SULT1A1: variants seen among roughly 807,000 people sequenced by gnomAD.
SULT1A1 encodes the protein sulfotransferase 1A1.
SULT1A1 carries 35 observed loss-of-function variants against 36.8 expected under a neutral mutation model. That is an observed-to-expected ratio of 0.95 (90% CI 0.73 to 1.26). SULT1A1 has a LOEUF of 1.26. SULT1A1 is among the 50% of genes most tolerant of loss of function. The pLI is 0.00. For synonymous variants in SULT1A1, 119 were observed against 146.0 expected (o/e 0.82, Z 1.33); for missense variants, 309 against 383.0 (o/e 0.81, Z 1.61).
chr16:28,608,757 G>A lies in SULT1A1; in HGVS notation c.99C>T (p.Ser33=), dbSNP rs1414016713. ...YFAEALGPLQ[S]FQARPDDLLI... is the part of the protein sequence containing the mutation. ...GCAGGTCATCAGGCCGGGCCTGGAA[G>A]CTCTGCAGGGGCCCCAGTGCCTCTG... The change falls in exon 2 of 8, where the codon AGC becomes AGT. Residue 33 remains serine (S), a synonymous_variant. Coordinates refer to ENST00000314752, the MANE Select transcript of SULT1A1 (RefSeq NM_001055.4). 1.1e-5 allele frequency: 17 copies of A among 1,612,688 alleles called. No individual in the cohort carries two copies. Among genetic ancestry groups the A allele is most frequent in the Non-Finnish European group, 1.4e-5 (16 of 1,179,428 alleles).
Position 28,618,184 on chromosome 16 carries a change from C to T in SULT1A1, c.138+1879G>A, listed in dbSNP as rs561777077. Among the ~76,000 whole-genome samples, 479 of 151,826 alleles carry T rather than the reference C, an allele frequency of 3.2e-3. 5 individuals carry two copies. The highest frequency in any genetic ancestry group is 0.01 in the African/African-American group (431 of 41,402). Reference sequence around the variant, plus strand: ...TCCTGAGCAGCTGGGACAACAGACGCTTGCCACTATGCCCAGCTAATTTAT... The same window carrying T: ...TCCTGAGCAGCTGGGACAACAGACGTTTGCCACTATGCCCAGCTAATTTAT... On this transcript the variant is annotated intron_variant, in intron 2 of 5. Transcript: ENST00000350842.
At chr16:28,605,972 C>G (rs1267114758) in intron 7 of SULT1A1, 39 bp from the exon 8 acceptor site, 1 of 1,603,292 alleles carries the variant, frequency 6.2e-7, no homozygotes, top group Non-Finnish European at 8.5e-7. Context: ...GGAGTCTCAT[C>G]CCAGGGGAGG....
At chr16:28,611,020 G>C (rs2047432371), upstream of SULT1A1, 1 of 152,410 alleles carries the variant, frequency 6.6e-6, no homozygotes. Flanking sequence ...CTTCTCATAT[G>C]CTAGGGCCAT....
upstream of SULT1A1, chr16:28,610,750 G>A (rs1477338109): frequency 1.3e-5 from 2 of 153,766 alleles, no homozygotes; most frequent in Non-Finnish European, 2.9e-5. Flanking sequence ...GGGTTTGAAG[G>A]AGGCTCCACA....
intron 2 of SULT1A1, chr16:28,619,993 T>TTTTGTG (rs1723162341): frequency 1.2e-5 from 14 of 1,120,406 alleles, no homozygotes; most frequent in Middle Eastern, 2.7e-4. Flanking sequence ...GTATTGTATA[T>TTTTGTG]TGTGTGTGTG....
At chr16:28,622,842 A>G (rs2047682511) in intron 1 of SULT1A1, among the ~76,000 whole-genome samples, 2 of 152,082 alleles carry the variant, frequency 1.3e-5, no homozygotes, top group African/African-American at 4.8e-5. Context: ...CCAGAGTCTG[A>G]GCCCCGACCC....
At chr16:28,620,024 C>A (rs761949403) in intron 2 of SULT1A1, 54 of 1,574,870 alleles carry the variant, frequency 3.4e-5, no homozygotes, top group Non-Finnish European at 4.3e-5. Flanking sequence ...TATACACACA[C>A]AAAAAGATAC....
chr16:28,610,109 G>A (rs2047389920), upstream of SULT1A1: 3 of 1,283,580 alleles, frequency 2.3e-6, no homozygotes, highest in Non-Finnish European at 3.0e-6. Context: ...GGGGTTGGGG[G>A]TGGGGGAGCT....
exon 1 of SULT1A1, chr16:28,623,355 G>T: frequency 6.7e-7 from 1 of 1,491,386 alleles, no homozygotes. Flanking sequence ...GTCCCCGGCG[G>T]AGACGAGCGA....
intron 1 of SULT1A1, 121 bp downstream of exon 1, chr16:28,609,810 G>GT: frequency 9.3e-7 from 1 of 1,077,366 alleles, no homozygotes. Flanking sequence ...GGCCAGGGTT[G>GT]TCTGAAATGG....
In SULT1A1 at chr16:28,606,113, A is replaced by G; in HGVS notation, c.718T>C (p.Tyr240His). 6.3e-7 allele frequency: 1 copy of G among 1,588,476 alleles called. No individual in the cohort carries two copies. The highest frequency in any genetic ancestry group is 8.6e-7 in the Non-Finnish European group (1 of 1,163,920). Residue 240 changes from tyrosine (Y) to histidine (H), a missense_variant, in exon 7 of 8, where the codon TAC becomes CAC. This residue lies in a region of SULT1A1 where 67 missense variants were observed against 122.0 expected (regional missense o/e 0.55). Transcript: ENST00000314752. ...KEMKKNPMTN[Y>H]TTVPQEFMDH... ...ATGAACTCCTGGGGGACGGTGGTGT[A>G]GTTGGTCATAGGGTTCTTCTTCATC...
At chr16:28,623,363 C>A in exon 1 of SULT1A1, 2 of 1,486,078 alleles carry the variant, frequency 1.3e-6, no homozygotes, top group East Asian at 2.5e-5. Context: ...CGGAGACGAG[C>A]GAGCTACGGC....
At position 28,621,381 on chromosome 16, in the gene SULT1A1, C is replaced by T. The variant is rs1401123441; in HGVS notation, c.68-1248G>A. Among the ~76,000 whole-genome samples the T allele has an allele frequency of 3.5e-4, 51 of 146,330 alleles. 1 individual carries two copies. In the Admixed American group the frequency reaches 3.6e-3, roughly 10 times the overall value. ...TCTGTAATGCCAGCTACTTGGTAGG[C>T]TGAGGCAGGAGGATCGCTTGAACCT... On this transcript the variant is annotated intron_variant, in intron 1 of 5. Transcript: ENST00000350842.
rs575182093 is a variant in SULT1A1, at chr16:28,605,767, G to T, written c.*54C>A. 7.6e-4 allele frequency: 1,219 copies of T among 1,607,516 alleles called. 41 individuals carry two copies. In the South Asian group the frequency reaches 0.01, roughly 14 times the overall value. ...TCAATTCATATTTTATTCTTGAGCC[G>T]CTTGGTCAGGTTTGATTCGCACACT... is the stretch of plus-strand genomic sequence containing the variant. On this transcript the variant is annotated 3_prime_UTR_variant, in exon 8 of 8. Transcript: ENST00000314752.
chr16:28,622,976 A>G (rs1294206887), intron 1 of SULT1A1, among the ~76,000 whole-genome samples: 1 of 151,862 alleles, frequency 6.6e-6, no homozygotes, highest in Non-Finnish European at 1.5e-5. Flanking sequence ...CTGGCCCTTC[A>G]GGCCTCTGAA....
At chr16:28,607,110 T>C in intron 4 of SULT1A1, 33 bp from the exon 5 acceptor site, 1 of 1,610,330 alleles carries the variant, frequency 6.2e-7, no homozygotes, top group South Asian at 1.1e-5. Context: ...CCCAGCACCA[T>C]CACCACACAG....
chr16:28,615,611 C>T (rs1378076595), intron 2 of SULT1A1, among the ~76,000 whole-genome samples: 1 of 152,008 alleles, frequency 6.6e-6, no homozygotes, highest in African/African-American at 2.4e-5. Flanking sequence ...GGTGACAGCA[C>T]GGCCAACACA....
At chr16:28,610,230 A>C, upstream of SULT1A1, 1 of 1,189,880 alleles carries the variant, frequency 8.4e-7, no homozygotes, top group South Asian at 1.3e-5. Flanking sequence ...GAAAGGCCCA[A>C]TGGTGGGTTT....
At chr16:28,607,782 A>C (rs1271738803) in intron 4 of SULT1A1, 1 of 152,364 alleles carries the variant, frequency 6.6e-6, no homozygotes, top group East Asian at 1.9e-4. Context: ...CTCCAACCTC[A>C]GACTTTCCAG....
Sources: gnomAD v4.1 joint callset for allele counts (sites outside exome capture counted in the v4.1 genomes callset) on GRCh38, gnomAD v4.1.1 for gene constraint, gnomAD v4.1.1 regional missense constraint, MANE v1.5 for transcripts, NCBI Gene and HGNC (gene_info 2026-07-23, HGNC 2026-07-21) for gene names.